The following JAZF1 variants were observed in gnomAD, a reference collection of about 807,000 sequenced individuals.
JAZF1 encodes juxtaposed with another zinc finger protein 1.
Under a neutral mutation model 26.4 loss-of-function variants are expected in JAZF1, and 8 were observed. The ratio of observed to expected loss-of-function variants is 0.30; its 90% confidence interval spans 0.18 to 0.55. The LOEUF is 0.55. Ranked by LOEUF, JAZF1 falls within the 20% of genes least tolerant of loss-of-function variation. The pLI is 0.94. For synonymous variants in JAZF1, 126 were observed against 122.3 expected, an observed-to-expected ratio of 1.03 and a Z score of -0.20; for missense variants, 199 against 322.0, an observed-to-expected ratio of 0.62 and a Z score of 2.92.
At chr7:27,951,151 T>C (rs1457562564) in intron 2 of JAZF1, among the ~76,000 whole-genome samples, 1 of 152,156 alleles carries the variant, frequency 6.6e-6, no homozygotes, top group Non-Finnish European at 1.5e-5. Flanking sequence ...TGGCCCATAG[T>C]AAGGACTCAA....
intron 1 of JAZF1, among the ~76,000 whole-genome samples, chr7:28,009,608 C>T (rs1165856604): frequency 1.3e-5 from 2 of 152,034 alleles, no homozygotes; most frequent in African/African-American, 2.4e-5. Flanking sequence ...CTCAGCCTCC[C>T]GAGTAGGTGG....
intron 1 of JAZF1, among the ~76,000 whole-genome samples, chr7:28,106,929 G>A (rs1038705052): frequency 6.6e-6 from 1 of 152,206 alleles, no homozygotes; most frequent in Non-Finnish European, 1.5e-5. Context: ...GGCTGGAACT[G>A]GAGGAATCTG....
chr7:27,872,545 A>G (rs1200420232), intron 3 of JAZF1, among the ~76,000 whole-genome samples: 1 of 152,188 alleles, frequency 6.6e-6, no homozygotes, highest in Non-Finnish European at 1.5e-5. Context: ...ACCTTCAGCC[A>G]GGGGATGTTA....
At chr7:27,931,302 A>C (rs930728318) in intron 2 of JAZF1, among the ~76,000 whole-genome samples, 1 of 152,208 alleles carries the variant, frequency 6.6e-6, no homozygotes, top group Non-Finnish European at 1.5e-5. Flanking sequence ...AAACAGGTGG[A>C]GGGCCAGATT....
At chr7:27,948,810 G>A (rs912333933) in intron 2 of JAZF1, among the ~76,000 whole-genome samples, 1 of 152,218 alleles carries the variant, frequency 6.6e-6, no homozygotes, top group Non-Finnish European at 1.5e-5. Context: ...CATACTTGAA[G>A]GTAGTGGTCA....
At chr7:28,005,748 C>T (rs1562556605) in intron 1 of JAZF1, among the ~76,000 whole-genome samples, 2 of 152,100 alleles carry the variant, frequency 1.3e-5, no homozygotes, top group South Asian at 2.1e-4. Context: ...CAATTGATCT[C>T]GCTGATGGTG....
intron 1 of JAZF1, among the ~76,000 whole-genome samples, chr7:28,132,709 A>T (rs1163905655): frequency 6.6e-6 from 1 of 152,218 alleles, no homozygotes; most frequent in Non-Finnish European, 1.5e-5. Context: ...TAGACATGGA[A>T]GAAAGGTCAA....
At chr7:27,958,389 A>C (rs1327861696) in intron 2 of JAZF1, among the ~76,000 whole-genome samples, 1 of 152,238 alleles carries the variant, frequency 6.6e-6, no homozygotes, top group Non-Finnish European at 1.5e-5. Context: ...CAAATGCCAC[A>C]TAACCAGTTC....
chr7:28,110,022 C>T (rs1359292195), intron 1 of JAZF1, among the ~76,000 whole-genome samples: 1 of 152,088 alleles, frequency 6.6e-6, no homozygotes. Context: ...GGAACAGTTG[C>T]ACGTCACACA....
intron 2 of JAZF1, among the ~76,000 whole-genome samples, chr7:27,942,927 C>A (rs189707554): frequency 1.3e-5 from 2 of 152,140 alleles, no homozygotes. Context: ...TAAGATGAGG[C>A]GCTATTTGGT....
intron 1 of JAZF1, among the ~76,000 whole-genome samples, chr7:28,171,067 G>A (rs1230123921): frequency 1.3e-5 from 2 of 152,202 alleles, no homozygotes; most frequent in Non-Finnish European, 2.9e-5. Context: ...AGCTGCCCAA[G>A]TTTGAAAAGC....
chr7:27,982,011 G>A (rs947561147), intron 2 of JAZF1, among the ~76,000 whole-genome samples: 6 of 152,176 alleles, frequency 3.9e-5, no homozygotes, highest in Admixed American at 1.3e-4. Flanking sequence ...CAAGATGGCC[G>A]AATAGGAACT....
chr7:28,077,638 GACC>G lies in JAZF1; in HGVS notation c.116-85660_116-85658del, dbSNP rs554325520. On this transcript the variant is annotated intron_variant, in intron 1 of 4. Transcript: ENST00000283928. ...TGGTATATAAGTCCTCCAGCAAAGT[GACC>G]ACTTGTCTGACTGCTTGCAGGCCAC... Among the ~76,000 whole-genome samples, 202 of 152,280 alleles carry G rather than the reference GACC, an allele frequency of 1.3e-3. 1 individual carries two copies. Among genetic ancestry groups the G allele is most frequent in the African/African-American group, 4.8e-3 (200 of 41,556 alleles).
chr7:27,948,271 C>T (rs187536889), intron 2 of JAZF1, among the ~76,000 whole-genome samples: 1 of 152,244 alleles, frequency 6.6e-6, no homozygotes, highest in East Asian at 1.9e-4. Flanking sequence ...TTCCCGACTG[C>T]TTCATGCCAC....
intron 1 of JAZF1, among the ~76,000 whole-genome samples, chr7:28,043,889 C>T (rs1341192291): frequency 6.6e-6 from 1 of 151,922 alleles, no homozygotes; most frequent in Non-Finnish European, 1.5e-5. Context: ...CACAAGAGGC[C>T]AGATATAGTA....
At chr7:28,091,243 T>C (rs908699634) in intron 1 of JAZF1, among the ~76,000 whole-genome samples, 2 of 152,154 alleles carry the variant, frequency 1.3e-5, no homozygotes, top group Non-Finnish European at 1.5e-5. Flanking sequence ...CACTTTCTTC[T>C]GTCAACCTGA....
intron 1 of JAZF1, among the ~76,000 whole-genome samples, chr7:28,000,031 T>C (rs1175137045): frequency 6.6e-6 from 1 of 152,002 alleles, no homozygotes; most frequent in Non-Finnish European, 1.5e-5. Flanking sequence ...TTGAAGGGAG[T>C]GAGCGTAGCG....
chr7:28,089,252 T>G (rs1784256589), intron 1 of JAZF1, among the ~76,000 whole-genome samples: 1 of 152,174 alleles, frequency 6.6e-6, no homozygotes, highest in Non-Finnish European at 1.5e-5. Flanking sequence ...ATTAATACTC[T>G]TATAAGAGGG....
At chr7:27,978,044 A>T (rs565853818) in intron 2 of JAZF1, among the ~76,000 whole-genome samples, 11 of 152,376 alleles carry the variant, frequency 7.2e-5, no homozygotes, top group African/African-American at 2.6e-4. Context: ...GCTGCATGCC[A>T]TATGAATGTT....
Sources: gnomAD v4.1 joint callset for allele counts (sites outside exome capture counted in the v4.1 genomes callset) on GRCh38, gnomAD v4.1.1 for gene constraint, MANE v1.5 for transcripts, NCBI Gene and HGNC (gene_info 2026-07-23, HGNC 2026-07-21) for gene names.